The following TBC1D8 variants were observed in gnomAD, a reference collection of about 807,000 sequenced individuals.
TBC1D8 encodes the protein BUB2-like protein 1.
In TBC1D8, 65 loss-of-function variants were observed where a neutral mutation model predicts 118.8. That is an observed-to-expected ratio of 0.55 (90% CI 0.45 to 0.67). TBC1D8 has a LOEUF of 0.67. TBC1D8 is among the 30% of genes least tolerant of loss of function. TBC1D8 has a pLI of 0.00. For synonymous variants in TBC1D8, 566 were observed against 595.8 expected (o/e 0.95, Z 0.73); for missense variants, 1,376 against 1,471.2 (o/e 0.94, Z 1.06).
chr2:101,123,700 T>C lies in TBC1D8; in HGVS notation c.127+27427A>G, dbSNP rs142205027. 1.2e-4 allele frequency among the ~76,000 whole-genome samples: 19 copies of C among 152,278 alleles called. No individual in the cohort carries two copies. In the East Asian group the frequency reaches 3.7e-3, roughly 29 times the overall value. Reference sequence around the variant, plus strand: ...TACTGTCACAGATATAGGTCTACCTTACAAAAAGAGAGGAGTCAGTTGTTC... The same window carrying C: ...TACTGTCACAGATATAGGTCTACCTCACAAAAAGAGAGGAGTCAGTTGTTC... On this transcript the variant is annotated intron_variant, in intron 1 of 19. Transcript: ENST00000409318.
intron 1 of TBC1D8, among the ~76,000 whole-genome samples, chr2:101,113,804 T>C (rs1030916802): frequency 3.3e-5 from 5 of 151,940 alleles, no homozygotes; most frequent in African/African-American, 1.2e-4. Flanking sequence ...AAGTTCAAAA[T>C]AAAAAAACGG....
At chr2:101,012,224 C>G (rs1224407936) in intron 17 of TBC1D8, among the ~76,000 whole-genome samples, 1 of 152,198 alleles carries the variant, frequency 6.6e-6, no homozygotes, top group Non-Finnish European at 1.5e-5. Context: ...CCCAAGAGAA[C>G]TGAAAGTGTT....
chr2:101,059,276 G>C, intron 3 of TBC1D8, 145 bp downstream of exon 3: 1 of 563,760 alleles, frequency 1.8e-6, no homozygotes, highest in Admixed American at 3.3e-5. Flanking sequence ...AGTTAAGACA[G>C]GTGATAAATG....
intron 9 of TBC1D8, 106 bp downstream of exon 9, chr2:101,035,908 AAGAC>A (rs765700238): frequency 1.3e-4 from 165 of 1,282,614 alleles, no homozygotes; most frequent in Non-Finnish European, 1.7e-4. Flanking sequence ...GAATGACTCA[AAGAC>A]AGAACCATTT....
intron 2 of TBC1D8, among the ~76,000 whole-genome samples, chr2:101,064,398 T>A (rs552185055): frequency 4.6e-5 from 7 of 152,192 alleles, no homozygotes; most frequent in African/African-American, 1.7e-4. Flanking sequence ...TCAATGCTTG[T>A]TATTTAAGCC....
Position 101,054,291 on chromosome 2 carries a change from C to A in TBC1D8, c.448G>T (p.Glu150Ter). Residue 150 changes from glutamate (E) to a stop codon, truncating the protein, a stop_gained, in exon 4 of 20, where the codon GAG becomes TAG. Transcript: ENST00000409318. LOFTEE classifies it high-confidence loss of function. ...ETSSRLAEQE[E>*]EPEKFREALV... ...GCTTCTCGGAATTTCTCGGGTTCCT[C>A]CTCCTGCTCGGCGAGCCTGCTGCTG... is the stretch of plus-strand genomic sequence containing the variant. 1 of 1,586,550 alleles carries A rather than the reference C, an allele frequency of 6.3e-7. No individual in the cohort carries two copies. Among genetic ancestry groups the A allele is most frequent in the Non-Finnish European group, 8.6e-7 (1 of 1,166,144 alleles).
intron 1 of TBC1D8, among the ~76,000 whole-genome samples, chr2:101,148,977 G>GC (rs1024271622): frequency 3.3e-5 from 5 of 152,114 alleles, no homozygotes; most frequent in African/African-American, 1.2e-4. Flanking sequence ...ATGAAGACCA[G>GC]CCCCCCACAG....
intron 17 of TBC1D8, among the ~76,000 whole-genome samples, chr2:101,016,871 C>T (rs1309222415): frequency 6.7e-6 from 1 of 150,148 alleles, no homozygotes; most frequent in African/African-American, 2.5e-5. Context: ...GGGAATTGAA[C>T]AATGAGACCA....
Position 101,037,518 on chromosome 2 carries a change from C to G in TBC1D8, c.1452+14G>C. The stretch of plus-strand genomic sequence containing the variant: ...CAGCTTTGTGGTCCAGCTTGGGCAC[C>G]AGGCGTCACCCACCATTCGGGAGTC... On this transcript the variant is annotated intron_variant, in intron 8 of 19. Transcript: ENST00000409318. 1 of 1,610,270 alleles carries G rather than the reference C, an allele frequency of 6.2e-7. No individual in the cohort carries two copies. The highest frequency in any genetic ancestry group is 8.5e-7 in the Non-Finnish European group (1 of 1,179,144).
intron 2 of TBC1D8, among the ~76,000 whole-genome samples, chr2:101,072,755 G>T (rs1460254154): frequency 6.6e-6 from 1 of 152,052 alleles, no homozygotes; most frequent in Non-Finnish European, 1.5e-5. Flanking sequence ...CTTGCCTGCC[G>T]CTCACCTCGT....
At position 101,102,192 on chromosome 2, in the gene TBC1D8, G is replaced by A. The variant is rs190611412; in HGVS notation, c.128-11828C>T. 1.7e-3 allele frequency among the ~76,000 whole-genome samples: 261 copies of A among 152,218 alleles called. 3 individuals carry two copies. The highest frequency in any genetic ancestry group is 3.9e-3 in the East Asian group (20 of 5,182). On this transcript the variant is annotated intron_variant, in intron 1 of 19. Transcript: ENST00000409318. Reference sequence around the variant, plus strand: ...TCAAGGGCCGGGTGCAGTGGCTCACGCCTGTAATCCCAGTACTTTGGGAGG... The same window carrying A: ...TCAAGGGCCGGGTGCAGTGGCTCACACCTGTAATCCCAGTACTTTGGGAGG...
At chr2:101,114,487 G>A (rs562167539) in intron 1 of TBC1D8, among the ~76,000 whole-genome samples, 1 of 152,204 alleles carries the variant, frequency 6.6e-6, no homozygotes, top group Admixed American at 6.5e-5. Context: ...AACTTTTTCC[G>A]TATGCTCCAA....
intron 3 of TBC1D8, among the ~76,000 whole-genome samples, chr2:101,056,984 G>A (rs1682475569): frequency 6.6e-6 from 1 of 152,214 alleles, no homozygotes; most frequent in Non-Finnish European, 1.5e-5. Context: ...CCCAGGCTCA[G>A]GCCAGGCAGG....
intron 18 of TBC1D8, 145 bp from the exon 19 acceptor site, chr2:101,011,171 T>C: frequency 2.5e-6 from 2 of 808,394 alleles, no homozygotes; most frequent in Non-Finnish European, 1.9e-6. Context: ...GAGATTCCCC[T>C]GGAGAGCCAG....
At chr2:101,029,422 T>C in intron 12 of TBC1D8, 69 bp downstream of exon 12, 3 of 1,467,952 alleles carry the variant, frequency 2.0e-6, no homozygotes, top group African/African-American at 1.4e-5. Context: ...TCCCCACCGA[T>C]AGCCCTGCTG....
intron 2 of TBC1D8, among the ~76,000 whole-genome samples, chr2:101,064,934 C>A (rs540028953): frequency 1.3e-5 from 2 of 152,234 alleles, no homozygotes; most frequent in South Asian, 4.2e-4. Flanking sequence ...AATAACCAAC[C>A]CGAAAGCCAA....
At chr2:101,023,101 C>CCACTGCACTCCAGCCTGG (rs1680140171) in intron 15 of TBC1D8, among the ~76,000 whole-genome samples, 2 of 146,170 alleles carry the variant, frequency 1.4e-5, no homozygotes, top group African/African-American at 5.0e-5. Context: ...GCCGAGATCG[C>CCACTGCACTCCAGCCTGG]GCCACTGCAC....
At chr2:101,022,215 A>G (rs2105376696) in intron 16 of TBC1D8, 66 bp downstream of exon 16, 2 of 1,605,182 alleles carry the variant, frequency 1.2e-6, no homozygotes, top group Non-Finnish European at 1.7e-6. Flanking sequence ...CCGAAGATCC[A>G]CTTTGTGTTC....
intron 1 of TBC1D8, among the ~76,000 whole-genome samples, chr2:101,127,476 T>A (rs1009886542): frequency 1.3e-5 from 2 of 152,124 alleles, no homozygotes; most frequent in Non-Finnish European, 2.9e-5. Flanking sequence ...CTACCACGTG[T>A]AGAGAACAGA....
Sources: allele counts gnomAD v4.1 joint callset (sites outside exome capture counted in the v4.1 genomes callset), GRCh38; gene constraint gnomAD v4.1.1; transcripts MANE v1.5; gene names NCBI Gene and HGNC (gene_info 2026-07-23, HGNC 2026-07-21).